The following CCDC85A variants were observed in gnomAD, a reference collection of about 807,000 sequenced individuals.
CCDC85A encodes the protein coiled-coil domain containing 85A.
A neutral mutation model predicts 50.2 loss-of-function variants in CCDC85A; 38 were observed. The ratio of observed to expected loss-of-function variants is 0.76; its 90% CI spans 0.58 to 0.99. CCDC85A has a LOEUF of 0.99. CCDC85A is among the 50% of genes least tolerant of loss of function. The pLI is 0.00. For synonymous variants in CCDC85A, 366 were observed against 301.4 expected (o/e 1.21, Z -2.22); for missense variants, 820 against 742.0 (o/e 1.11, Z -1.22).
At chr2:56,361,067 C>G (rs528786186) in intron 3 of CCDC85A, among the ~76,000 whole-genome samples, 2 of 152,304 alleles carry the variant, frequency 1.3e-5, no homozygotes, top group South Asian at 4.1e-4. Context: ...TCCTGGCTAA[C>G]ATGTTGAAAC....
chr2:56,281,412 T>C (rs1671202203), intron 2 of CCDC85A, among the ~76,000 whole-genome samples: 1 of 152,204 alleles, frequency 6.6e-6, no homozygotes, highest in South Asian at 2.1e-4. Context: ...GTGGATATTG[T>C]ATTTTCATTT....
chr2:56,364,127 T>TAA (rs1201877660), intron 3 of CCDC85A, among the ~76,000 whole-genome samples: 1 of 152,216 alleles, frequency 6.6e-6, no homozygotes, highest in African/African-American at 2.4e-5. Flanking sequence ...TCCTAGGTAT[T>TAA]GTTTAACAGC....
At chr2:56,294,332 C>T (rs902197588) in intron 2 of CCDC85A, among the ~76,000 whole-genome samples, 12 of 152,138 alleles carry the variant, frequency 7.9e-5, no homozygotes, top group South Asian at 2.1e-4. Context: ...AGCTATTACA[C>T]GCTGGGCTTA....
At chr2:56,198,533 A>G (rs1191218823) in intron 2 of CCDC85A, among the ~76,000 whole-genome samples, 1 of 152,256 alleles carries the variant, frequency 6.6e-6, no homozygotes, top group Non-Finnish European at 1.5e-5. Flanking sequence ...CCATACTTGT[A>G]TATGCAAAGC....
intron 3 of CCDC85A, among the ~76,000 whole-genome samples, chr2:56,353,051 C>G (rs1675036635): frequency 6.6e-6 from 1 of 152,178 alleles, no homozygotes. Context: ...AAAACCACAA[C>G]TTTACACTAT....
At position 56,184,435 on chromosome 2, in the gene CCDC85A, C is replaced by T. The variant is rs908932746; in HGVS notation, c.-190C>T. 143 of 591,302 alleles carry T rather than the reference C, an allele frequency of 2.4e-4. No homozygotes were observed. Among genetic ancestry groups the T allele is most frequent in the Admixed American group, 1.1e-3 (24 of 21,148 alleles). The allele number at this position is 591,302 out of a possible 1,614,324, so 36.6% of individuals were successfully genotyped here. Reference sequence around the variant, plus strand: ...CGGGCCCTGGGGGAGCGCGGGCGCGCGCGCGGGGATGGCGAGGTAGGATGG... The same window carrying T: ...CGGGCCCTGGGGGAGCGCGGGCGCGTGCGCGGGGATGGCGAGGTAGGATGG... On this transcript the variant is annotated 5_prime_UTR_variant, in exon 1 of 6. Transcript: ENST00000407595.
At chr2:56,223,723 G>T (rs1668425952) in intron 2 of CCDC85A, among the ~76,000 whole-genome samples, 2 of 152,036 alleles carry the variant, frequency 1.3e-5, no homozygotes, top group African/African-American at 4.8e-5. Flanking sequence ...AGCGAAAAAT[G>T]CTCACTATCT....
intron 2 of CCDC85A, among the ~76,000 whole-genome samples, chr2:56,318,398 T>G (rs1673014647): frequency 6.6e-6 from 1 of 152,090 alleles, no homozygotes; most frequent in African/African-American, 2.4e-5. Context: ...TAACCACGAC[T>G]GGCTTTCATT....
At chr2:56,184,963 C>CG in intron 1 of CCDC85A, 63 bp downstream of exon 1, 1 of 1,426,678 alleles carries the variant, frequency 7.0e-7, no homozygotes, top group Non-Finnish European at 9.1e-7. Flanking sequence ...GAGGAGGAGG[C>CG]GGGGCCAGGC....
intron 2 of CCDC85A, among the ~76,000 whole-genome samples, chr2:56,300,010 G>A (rs908615846): frequency 6.6e-6 from 1 of 152,168 alleles, no homozygotes; most frequent in Admixed American, 6.5e-5. Context: ...TGAACAAGAG[G>A]CATCTGGGTG....
chr2:56,327,043 T>G (rs924078647), intron 2 of CCDC85A, among the ~76,000 whole-genome samples: 1 of 152,162 alleles, frequency 6.6e-6, no homozygotes, highest in African/African-American at 2.4e-5. Context: ...TCTCAGAACA[T>G]TGTAACATTG....
At chr2:56,324,803 T>C (rs1036625978) in intron 2 of CCDC85A, among the ~76,000 whole-genome samples, 2 of 152,094 alleles carry the variant, frequency 1.3e-5, no homozygotes, top group South Asian at 2.1e-4. Context: ...AAGAGGCATG[T>C]ACCTTAGTTT....
At chr2:56,271,949 T>TA (rs1232106934) in intron 2 of CCDC85A, among the ~76,000 whole-genome samples, 1 of 152,170 alleles carries the variant, frequency 6.6e-6, no homozygotes, top group Non-Finnish European at 1.5e-5. Flanking sequence ...TCCAGTCTTT[T>TA]AATTTCTGCC....
intron 3 of CCDC85A, among the ~76,000 whole-genome samples, chr2:56,362,068 A>G (rs1675553954): frequency 6.6e-6 from 1 of 152,160 alleles, no homozygotes. Flanking sequence ...TGTAAAGGAA[A>G]GGGACTGCAT....
chr2:56,217,469 G>A (rs970265857), intron 2 of CCDC85A, among the ~76,000 whole-genome samples: 1 of 151,578 alleles, frequency 6.6e-6, no homozygotes, highest in Non-Finnish European at 1.5e-5. Context: ...TTGAAGGAGG[G>A]GAGGAATTCC....
chr2:56,324,372 C>T (rs1673363061), intron 2 of CCDC85A, among the ~76,000 whole-genome samples: 1 of 151,938 alleles, frequency 6.6e-6, no homozygotes, highest in African/African-American at 2.4e-5. Context: ...TCTTTTTATA[C>T]AGTGGTGATG....
At chr2:56,369,055 A>G (rs549179972) in intron 3 of CCDC85A, among the ~76,000 whole-genome samples, 1 of 152,158 alleles carries the variant, frequency 6.6e-6, no homozygotes, top group African/African-American at 2.4e-5. Flanking sequence ...ATTCTGAGTG[A>G]TCATCGTTTT....
intron 2 of CCDC85A, among the ~76,000 whole-genome samples, chr2:56,269,362 T>TGTGTGTGTGTGTGTG (rs1670599138): frequency 1.3e-5 from 2 of 150,180 alleles, no homozygotes; most frequent in African/African-American, 2.5e-5. Context: ...TGTGTGTGTG[T>TGTGTGTGTGTGTGTG]TTGAAGGAGG....
chr2:56,250,178 A>T (rs559369965), intron 2 of CCDC85A, among the ~76,000 whole-genome samples: 19 of 152,288 alleles, frequency 1.2e-4, no homozygotes, highest in African/African-American at 4.6e-4. Flanking sequence ...AACAAATGTT[A>T]ATTCATTTAA....
Sources: gnomAD v4.1 joint callset for allele counts (sites outside exome capture counted in the v4.1 genomes callset) on GRCh38, gnomAD v4.1.1 for gene constraint, MANE v1.5 for transcripts, NCBI Gene and HGNC (gene_info 2026-07-23, HGNC 2026-07-21) for gene names.